Variants in TENM2 observed in about 807,000 individuals in gnomAD.
TENM2 encodes the protein teneurin transmembrane protein 2.
Under a neutral mutation model 245.2 loss-of-function variants are expected in TENM2, and 52 were observed. That is an observed-to-expected ratio of 0.21 (90% CI 0.17 to 0.27). The LOEUF (loss-of-function observed/expected upper bound fraction) is 0.27, where lower values mean the gene tolerates loss of function less well. Ranked by LOEUF, TENM2 falls within the 10% of genes least tolerant of loss-of-function variation. The probability of loss-of-function intolerance (pLI) is 1.00; values close to 1 mark genes in which losing one functional copy is unlikely to be tolerated. For synonymous variants in TENM2, 1,363 were observed against 1,438.9 expected (o/e 0.95, Z 1.19); for missense variants, 3,046 against 3,666.8 (o/e 0.83, Z 4.37).
chr5:168,045,860 G>A (rs554386702), intron 5 of TENM2, among the ~76,000 whole-genome samples: 1 of 152,278 alleles, frequency 6.6e-6, no homozygotes, highest in African/African-American at 2.4e-5. Context: ...GTCATTATTT[G>A]AGGCAATGGA....
intron 2 of TENM2, among the ~76,000 whole-genome samples, chr5:167,810,193 G>A (rs2150988760): frequency 6.6e-6 from 1 of 152,182 alleles, no homozygotes; most frequent in South Asian, 2.1e-4. Context: ...ATGCAAACAT[G>A]TTTCTAAGCT....
chr5:167,950,684 G>T lies in TENM2; in HGVS notation c.713-1904G>T, dbSNP rs1242504047. On this transcript the variant is annotated intron_variant, in intron 3 of 28. Transcript: ENST00000518659. ...GAGGGGCTTGGATAGCATCCCTGAA[G>T]GATCATTATTACATCATTTCACCCC... 5.3e-5 allele frequency among the ~76,000 whole-genome samples: 8 copies of T among 152,148 alleles called. No individual in the cohort carries two copies. In the South Asian group the frequency reaches 1.7e-3, roughly 32 times the overall value.
chr5:167,569,614 G>T (rs970958505), intron 2 of TENM2, among the ~76,000 whole-genome samples: 8 of 152,146 alleles, frequency 5.3e-5, no homozygotes, highest in African/African-American at 7.2e-5. Flanking sequence ...TCTGTAAAAT[G>T]GTTCCAGCAA....
chr5:167,114,539 A>G, the TENM2 span, among the ~76,000 whole-genome samples: 3 of 152,326 alleles, frequency 2.0e-5, no homozygotes, highest in Middle Eastern at 3.4e-3. Flanking sequence ...AGAAGGAACA[A>G]TTATTCAGAG....
At chr5:168,057,463 T>C (rs1167354407) in intron 6 of TENM2, among the ~76,000 whole-genome samples, 1 of 152,176 alleles carries the variant, frequency 6.6e-6, no homozygotes, top group Non-Finnish European at 1.5e-5. Flanking sequence ...AATATAGATA[T>C]GGACATTGAG....
chr5:167,648,534 C>T (rs1298522756), intron 2 of TENM2, among the ~76,000 whole-genome samples: 2 of 152,150 alleles, frequency 1.3e-5, no homozygotes, highest in Non-Finnish European at 2.9e-5. Flanking sequence ...CATATGGTCA[C>T]GTACCCGTAC....
At chr5:167,775,210 T>G (rs1309789597) in intron 2 of TENM2, among the ~76,000 whole-genome samples, 5 of 152,116 alleles carry the variant, frequency 3.3e-5, no homozygotes, top group African/African-American at 1.2e-4. Context: ...TCAGGTGATC[T>G]GCCCGCCTCG....
intron 12 of TENM2, among the ~76,000 whole-genome samples, chr5:168,128,080 C>T (rs1795982672): frequency 6.6e-6 from 1 of 152,206 alleles, no homozygotes; most frequent in African/African-American, 2.4e-5. Context: ...AGTGGACTGA[C>T]TCTGTATTCG....
chr5:168,151,302 C>A (rs778698132), intron 12 of TENM2, among the ~76,000 whole-genome samples: 1 of 152,276 alleles, frequency 6.6e-6, no homozygotes, highest in African/African-American at 2.4e-5. Context: ...TTGGAGGGCA[C>A]CTTTCTGGGG....
the TENM2 span, among the ~76,000 whole-genome samples, chr5:167,108,388 A>G: frequency 6.6e-6 from 1 of 152,134 alleles, no homozygotes; most frequent in African/African-American, 2.4e-5. Context: ...GGCCTCCCAA[A>G]GTGCTAGGAT....
At chr5:167,501,271 G>A (rs1582219989) in intron 2 of TENM2, among the ~76,000 whole-genome samples, 1 of 152,174 alleles carries the variant, frequency 6.6e-6, no homozygotes, top group Admixed American at 6.5e-5. Context: ...ATTTCCATGG[G>A]CTGGCCTTGC....
At chr5:167,175,054 T>C in the TENM2 span, among the ~76,000 whole-genome samples, 2,704 of 152,270 alleles carry the variant, frequency 0.018, 29 homozygotes, top group Non-Finnish European at 0.026. Context: ...ATAGATACCA[T>C]AATTTCCTTA....
chr5:167,067,335 T>A, the TENM2 span, among the ~76,000 whole-genome samples: 4 of 152,296 alleles, frequency 2.6e-5, no homozygotes, highest in East Asian at 7.7e-4. Context: ...CCTTTGAACA[T>A]AAGCTTTGTC....
At chr5:167,037,509 C>T in the TENM2 span, among the ~76,000 whole-genome samples, 548 of 152,268 alleles carry the variant, frequency 3.6e-3, 2 homozygotes, top group Non-Finnish European at 5.5e-3. Context: ...AACGTGGATT[C>T]GTTGCTGGCT....
rs752171582 is a variant in TENM2 at position 168,126,970 on chromosome 5, C to T, written c.2422+4C>T. On this transcript the variant is annotated splice_donor_region_variant and intron_variant, in intron 12 of 28. Coordinates refer to ENST00000518659, the Ensembl canonical transcript of TENM2. The stretch of plus-strand genomic sequence containing the variant: ...CAAACGGCAGGCACCGAAACAGGCA[C>T]ATATTGCTTTATTTTCATAAATTGT... The T allele has an allele frequency of 6.3e-7, 1 of 1,596,206 alleles. No homozygotes were observed. Among genetic ancestry groups the T allele is most frequent in the Non-Finnish European group, 8.5e-7 (1 of 1,171,448 alleles).
intron 2 of TENM2, among the ~76,000 whole-genome samples, chr5:167,732,240 T>C (rs921094078): frequency 1.3e-5 from 2 of 152,198 alleles, no homozygotes; most frequent in Non-Finnish European, 2.9e-5. Flanking sequence ...AAGCAGGCTG[T>C]AGAAAAATCA....
chr5:167,532,804 TTGTGTGTA>T (rs759826848), intron 2 of TENM2, among the ~76,000 whole-genome samples: 1 of 120,854 alleles, frequency 8.3e-6, no homozygotes, highest in Non-Finnish European at 1.7e-5. Flanking sequence ...ACATATATAT[TTGTGTGTA>T]TGTGTGTGTG....
intron 12 of TENM2, among the ~76,000 whole-genome samples, chr5:168,133,044 T>C (rs1754728218): frequency 6.6e-6 from 1 of 152,228 alleles, no homozygotes; most frequent in African/African-American, 2.4e-5. Context: ...ATTTTGTATA[T>C]CCTGGAGCAA....
intron 13 of TENM2, among the ~76,000 whole-genome samples, chr5:168,165,434 C>T (rs1490260036): frequency 2.0e-5 from 3 of 152,072 alleles, no homozygotes; most frequent in Admixed American, 2.0e-4. Flanking sequence ...TAACAAATGG[C>T]TGGAATGCCA....
Sources: allele counts gnomAD v4.1 joint callset (sites outside exome capture counted in the v4.1 genomes callset), GRCh38; gene constraint gnomAD v4.1.1; transcripts MANE v1.5; gene names NCBI Gene and HGNC (gene_info 2026-07-23, HGNC 2026-07-21).